SLC35F3: variants seen among roughly 807,000 people sequenced by gnomAD.
SLC35F3 encodes solute carrier family 35 member F3, also known as putative thiamine transporter SLC35F3.
SLC35F3 carries 25 observed loss-of-function variants against 49.9 expected under a neutral mutation model. That is an observed-to-expected ratio of 0.50 (90% CI 0.37 to 0.70). The LOEUF (loss-of-function observed/expected upper bound fraction) is 0.70. SLC35F3 is among the 30% of genes least tolerant of loss of function. The pLI, the probability that SLC35F3 is intolerant of heterozygous loss-of-function variation, is 0.00. For synonymous variants in SLC35F3, 275 were observed against 265.4 expected, an observed-to-expected ratio of 1.04 and a Z score of -0.35; for missense variants, 525 against 639.8, an observed-to-expected ratio of 0.82 and a Z score of 1.94.
At chr1:233,928,732 A>G (rs1463453043) in intron 2 of SLC35F3, among the ~76,000 whole-genome samples, 3 of 152,168 alleles carry the variant, frequency 2.0e-5, no homozygotes, top group Non-Finnish European at 4.4e-5. Flanking sequence ...AAAGGGGTTC[A>G]TTATAGGGCC....
chr1:234,087,281 G>A (rs1258414905), intron 2 of SLC35F3, among the ~76,000 whole-genome samples: 1 of 152,174 alleles, frequency 6.6e-6, no homozygotes, highest in East Asian at 1.9e-4. Context: ...CATGCCACAT[G>A]TCAGCCCAGC....
At position 234,134,783 on chromosome 1, in the gene SLC35F3, G is replaced by C. The variant is rs150319171; in HGVS notation, c.284-96634G>C. ...GTTGCCCAGGCTGGAGTGCAGTGGCGCAATCTTGGTTCACTGCAACCTCTG... is the reference window on the plus strand; with the variant it reads ...GTTGCCCAGGCTGGAGTGCAGTGGCCCAATCTTGGTTCACTGCAACCTCTG... On this transcript the variant is annotated intron_variant, in intron 2 of 7. Coordinates refer to ENST00000366618, the MANE Select transcript of SLC35F3 (RefSeq NM_173508.4). Among the ~76,000 whole-genome samples the C allele has an allele frequency of 5.2e-3, 796 of 152,150 alleles. 10 individuals are homozygous for C. Among genetic ancestry groups the C allele is most frequent in the African/African-American group, 0.018 (759 of 41,510 alleles).
rs1010897260 is a variant in SLC35F3, at chr1:233,986,142, C to T, written c.283+80384C>T. ...TAAATCATGTAGAGTGCTTCAAACACAATATATATGCAGTAATGTTAGCTA... is the reference window on the plus strand; with the variant it reads ...TAAATCATGTAGAGTGCTTCAAACATAATATATATGCAGTAATGTTAGCTA... On this transcript the variant is annotated intron_variant, in intron 2 of 7. Coordinates refer to ENST00000366618, the MANE Select transcript of SLC35F3 (RefSeq NM_173508.4). Among the ~76,000 whole-genome samples, 4 of 152,184 alleles carry T rather than the reference C, an allele frequency of 2.6e-5. No individual in the cohort carries two copies. The East Asian group carries it at 7.7e-4, about 29-fold the overall frequency.
At chr1:234,048,843 T>G (rs1664332371) in intron 2 of SLC35F3, among the ~76,000 whole-genome samples, 1 of 152,234 alleles carries the variant, frequency 6.6e-6, no homozygotes, top group Non-Finnish European at 1.5e-5. Context: ...TTAGTGTAAC[T>G]TGCCTTGATA....
At chr1:234,272,857 G>A (rs1006989895) in intron 3 of SLC35F3, among the ~76,000 whole-genome samples, 3 of 150,476 alleles carry the variant, frequency 2.0e-5, no homozygotes, top group African/African-American at 7.3e-5. Flanking sequence ...GCTTCTCCCA[G>A]CCAGTGTGGA....
At chr1:234,052,765 G>T (rs943869003) in intron 2 of SLC35F3, among the ~76,000 whole-genome samples, 14 of 151,998 alleles carry the variant, frequency 9.2e-5, no homozygotes, top group Non-Finnish European at 1.9e-4. Context: ...GCTTTCTCTT[G>T]TGGGCATTTA....
chr1:234,115,204 C>G (rs1665468638), intron 2 of SLC35F3, among the ~76,000 whole-genome samples: 1 of 152,180 alleles, frequency 6.6e-6, no homozygotes, highest in African/African-American at 2.4e-5. Context: ...CAAGCTTTCT[C>G]TGCCTTTTGA....
intron 2 of SLC35F3, among the ~76,000 whole-genome samples, chr1:234,005,335 A>G (rs1418343559): frequency 6.6e-6 from 1 of 152,220 alleles, no homozygotes; most frequent in African/African-American, 2.4e-5. Flanking sequence ...GCTCAGCTTC[A>G]TATGAGTGAC....
intron 2 of SLC35F3, among the ~76,000 whole-genome samples, chr1:234,037,985 T>G (rs1026051886): frequency 6.6e-5 from 10 of 150,692 alleles, no homozygotes; most frequent in African/African-American, 2.2e-4. Context: ...TATTATACTT[T>G]AAGTTTTAGG....
At chr1:233,953,647 G>A (rs1374528825) in intron 2 of SLC35F3, among the ~76,000 whole-genome samples, 1 of 152,126 alleles carries the variant, frequency 6.6e-6, no homozygotes, top group Non-Finnish European at 1.5e-5. Context: ...CAGGCAGCTG[G>A]CTCTTCAGGA....
intron 2 of SLC35F3, among the ~76,000 whole-genome samples, chr1:234,135,792 CAT>C (rs1250233836): frequency 6.6e-6 from 1 of 152,198 alleles, no homozygotes; most frequent in African/African-American, 2.4e-5. Context: ...CAGCATAAAC[CAT>C]ATTATTGAGG....
chr1:234,206,589 G>A (rs139989440), intron 2 of SLC35F3, among the ~76,000 whole-genome samples: 45 of 152,148 alleles, frequency 3.0e-4, no homozygotes, highest in African/African-American at 1.1e-3. Context: ...TTCTGCCCTA[G>A]TGACTTTCCA....
rs60342594 is a variant in SLC35F3, at chr1:234,219,055, C to CAAAAAAAAAAA, written c.284-12351_284-12341dup. ...CTGGTGACATAGAGAGACTCCATCT[C>CAAAAAAAAAAA]AAAAAAAAAAAAAAAAAAAAAGCTC... is the stretch of plus-strand genomic sequence containing the variant. On this transcript the variant is annotated intron_variant, in intron 2 of 7. Transcript: ENST00000366618. Among the ~76,000 whole-genome samples the CAAAAAAAAAAA allele has an allele frequency of 3.6e-5, 2 of 55,286 alleles. 1 individual carries two copies. The allele number at this position is 55,286 out of a possible 152,430, so 36.3% of individuals were successfully genotyped here.
chr1:234,158,728 A>G (rs1666186700), intron 2 of SLC35F3, among the ~76,000 whole-genome samples: 1 of 152,232 alleles, frequency 6.6e-6, no homozygotes, highest in African/African-American at 2.4e-5. Flanking sequence ...GCATGTGCAT[A>G]TTTAAGACGT....
chr1:233,996,086 A>G (rs1663455547), intron 2 of SLC35F3, among the ~76,000 whole-genome samples: 1 of 152,170 alleles, frequency 6.6e-6, no homozygotes, highest in Non-Finnish European at 1.5e-5. Flanking sequence ...ATATATATAC[A>G]CAGTTGGCAC....
chr1:234,123,576 A>ATTTTC (rs1665606542), intron 2 of SLC35F3, among the ~76,000 whole-genome samples: 1 of 146,616 alleles, frequency 6.8e-6, no homozygotes, highest in South Asian at 2.2e-4. Flanking sequence ...TGCCTGGTTA[A>ATTTTC]TTTTTTTTTT....
intron 2 of SLC35F3, among the ~76,000 whole-genome samples, chr1:234,021,338 C>T (rs969170888): frequency 3.3e-5 from 5 of 152,196 alleles, no homozygotes; most frequent in African/African-American, 1.2e-4. Context: ...AACATAGACC[C>T]AGCATCCTCA....
rs544315221 is a variant in SLC35F3, at chr1:234,050,153, A to G, written c.283+144395A>G. Among the ~76,000 whole-genome samples the G allele has an allele frequency of 1.8e-4, 27 of 152,354 alleles. No individual in the cohort carries two copies. In the South Asian group the frequency reaches 5.0e-3, roughly 28 times the overall value. On this transcript the variant is annotated intron_variant, in intron 2 of 7. Coordinates refer to ENST00000366618, the MANE Select transcript of SLC35F3 (RefSeq NM_173508.4). ...CTTATAATCCTTTGGGTATATACCC[A>G]GTAATGGGATAGCTGGGTCAAATGG...
At chr1:233,918,816 CTATA>C (rs35271968) in intron 2 of SLC35F3, among the ~76,000 whole-genome samples, 57,376 of 140,282 alleles carry the variant, frequency 0.41, 12,297 homozygotes, top group East Asian at 0.6. Flanking sequence ...CTCTCTCTCT[CTATA>C]TATATATATA....
Sources: gnomAD v4.1 joint callset for allele counts (sites outside exome capture counted in the v4.1 genomes callset) on GRCh38, gnomAD v4.1.1 for gene constraint, MANE v1.5 for transcripts, NCBI Gene and HGNC (gene_info 2026-07-23, HGNC 2026-07-21) for gene names.